Variants in SLIT2 observed in about 807,000 individuals in gnomAD.
SLIT2 encodes the protein slit homolog 2 protein.
SLIT2 carries 41 observed loss-of-function variants against 185.7 expected under a neutral mutation model. The ratio of observed to expected loss-of-function variants is 0.22; its 90% CI spans 0.17 to 0.29. The LOEUF (loss-of-function observed/expected upper bound fraction) is 0.29. Ranked by LOEUF, SLIT2 falls within the 10% of genes least tolerant of loss-of-function variation. SLIT2 has a pLI of 1.00. For missense variants in SLIT2, 1,571 were observed against 1,909.0 expected (o/e 0.82, Z 3.30); for synonymous variants, 693 against 680.2 (o/e 1.02, Z -0.29).
intron 4 of SLIT2, among the ~76,000 whole-genome samples, chr4:20,371,341 CCA>C (rs1723555768): frequency 2.0e-5 from 3 of 151,908 alleles, no homozygotes; most frequent in Middle Eastern, 3.4e-3. Flanking sequence ...TACCACTCCA[CCA>C]CACACACACC....
chr4:20,510,710 A>G (rs1258694503), intron 10 of SLIT2, 144 bp downstream of exon 10: 1 of 572,012 alleles, frequency 1.7e-6, no homozygotes, highest in Non-Finnish European at 3.1e-6. Flanking sequence ...TAGCTCTGTA[A>G]TAATATTTTA....
At chr4:20,460,817 C>T (rs1293574833) in intron 4 of SLIT2, among the ~76,000 whole-genome samples, 1 of 152,026 alleles carries the variant, frequency 6.6e-6, no homozygotes, top group Non-Finnish European at 1.5e-5. Flanking sequence ...GTATGTGGAA[C>T]CTAAAAATGT....
intron 26 of SLIT2, 110 bp from the exon 27 acceptor site, chr4:20,567,152 T>C (rs1326646905): frequency 3.1e-6 from 3 of 973,762 alleles, no homozygotes; most frequent in Non-Finnish European, 3.1e-6. Context: ...CATATAGATA[T>C]GTGACCAATA....
At chr4:20,293,605 T>C (rs1192156325) in intron 4 of SLIT2, among the ~76,000 whole-genome samples, 1 of 152,218 alleles carries the variant, frequency 6.6e-6, no homozygotes, top group Non-Finnish European at 1.5e-5. Flanking sequence ...TTTCAGGGTT[T>C]AGCATCAATT....
At chr4:20,389,149 G>A (rs972418757) in intron 4 of SLIT2, among the ~76,000 whole-genome samples, 1 of 151,040 alleles carries the variant, frequency 6.6e-6, no homozygotes, top group Non-Finnish European at 1.5e-5. Flanking sequence ...ATAATCAAAT[G>A]AGATCATTTC....
At chr4:20,469,013 A>G (rs1419496066) in intron 5 of SLIT2, among the ~76,000 whole-genome samples, 1 of 152,182 alleles carries the variant, frequency 6.6e-6, no homozygotes, top group Non-Finnish European at 1.5e-5. Flanking sequence ...AGACAACTAC[A>G]GGCTTCTAAG....
At chr4:20,399,735 T>C (rs920194103) in intron 4 of SLIT2, among the ~76,000 whole-genome samples, 4 of 151,682 alleles carry the variant, frequency 2.6e-5, no homozygotes, top group African/African-American at 9.7e-5. Context: ...AAAGTTACAG[T>C]GATATTACAC....
chr4:20,476,300 T>G (rs530186977), intron 5 of SLIT2, among the ~76,000 whole-genome samples: 83 of 152,224 alleles, frequency 5.5e-4, no homozygotes, highest in African/African-American at 2.0e-3. Flanking sequence ...ATTCTTTTTC[T>G]CCCATGTGGT....
chr4:20,418,930 G>GA (rs1457046581), intron 4 of SLIT2, among the ~76,000 whole-genome samples: 1 of 152,036 alleles, frequency 6.6e-6, no homozygotes, highest in Admixed American at 6.5e-5. Context: ...CCGCCCCACA[G>GA]AAAAAAACTA....
chr4:20,504,690 CAT>C (rs529593925), intron 9 of SLIT2, among the ~76,000 whole-genome samples: 120 of 152,118 alleles, frequency 7.9e-4, no homozygotes, highest in Admixed American at 2.0e-3. Context: ...GAAATCAAAT[CAT>C]GTGTGAGATT....
chr4:20,509,875 T>C (rs574844454), intron 9 of SLIT2, among the ~76,000 whole-genome samples: 82 of 152,336 alleles, frequency 5.4e-4, no homozygotes, highest in Admixed American at 9.2e-4. Context: ...TGCACTTTGC[T>C]GCAGTGGTTT....
In SLIT2 at chr4:20,619,204, C is replaced by T; in HGVS notation, c.*195C>T. ...AGAAATGCTTGAACTAAAGCTTCCC[C>T]TATGCTGGAGAAGTATGAAGAAAGA... On this transcript the variant is annotated 3_prime_UTR_variant, in exon 37 of 37. Coordinates refer to ENST00000504154, the MANE Select transcript of SLIT2 (RefSeq NM_004787.4). 1 of 557,832 alleles carries T rather than the reference C, an allele frequency of 1.8e-6. No homozygotes were observed. Among genetic ancestry groups the T allele is most frequent in the East Asian group, 3.2e-5 (1 of 31,320 alleles). 34.6% of individuals were successfully genotyped at this position (557,832 alleles called of 1,614,324 possible).
chr4:20,512,789 G>T (rs1719873196), intron 11 of SLIT2, among the ~76,000 whole-genome samples: 1 of 152,142 alleles, frequency 6.6e-6, no homozygotes, highest in African/African-American at 2.4e-5. Context: ...AAGAAGAAGA[G>T]AAATCAGTGG....
chr4:20,533,786 G>A (rs536054099), intron 18 of SLIT2, 71 bp downstream of exon 18: 3 of 1,446,656 alleles, frequency 2.1e-6, no homozygotes, highest in African/African-American at 1.4e-5. Flanking sequence ...ATAATCCTGG[G>A]AGAGAGAAAC....
At chr4:20,382,928 G>A (rs1467006401) in intron 4 of SLIT2, among the ~76,000 whole-genome samples, 1 of 152,134 alleles carries the variant, frequency 6.6e-6, no homozygotes, top group African/African-American at 2.4e-5. Flanking sequence ...TCTACACAGT[G>A]TGGCTCTGGC....
At chr4:20,411,326 A>G (rs1401697684) in intron 4 of SLIT2, among the ~76,000 whole-genome samples, 1 of 152,210 alleles carries the variant, frequency 6.6e-6, no homozygotes, top group African/African-American at 2.4e-5. Context: ...TGTTTCATTT[A>G]ACAATGGTAA....
intron 11 of SLIT2, among the ~76,000 whole-genome samples, chr4:20,511,374 T>C (rs1247612584): frequency 6.6e-6 from 1 of 151,626 alleles, no homozygotes. Context: ...CATTTTGCTG[T>C]TAGGAGAGCA....
chr4:20,516,863 A>G (rs1348792756), intron 11 of SLIT2, among the ~76,000 whole-genome samples: 2 of 152,144 alleles, frequency 1.3e-5, no homozygotes, highest in African/African-American at 4.8e-5. Context: ...GATTTCCTGT[A>G]TCCTAGTGTA....
At chr4:20,561,276 T>C (rs2148905077) in intron 26 of SLIT2, among the ~76,000 whole-genome samples, 1 of 151,960 alleles carries the variant, frequency 6.6e-6, no homozygotes, top group Non-Finnish European at 1.5e-5. Context: ...AATCAACATT[T>C]AGCATGCTGT....
Sources: allele counts gnomAD v4.1 joint callset (sites outside exome capture counted in the v4.1 genomes callset), GRCh38; gene constraint gnomAD v4.1.1; transcripts MANE v1.5; gene names NCBI Gene and HGNC (gene_info 2026-07-23, HGNC 2026-07-21).